The following GJC1 variants were observed in gnomAD, a reference collection of about 807,000 sequenced individuals.
GJC1 encodes gap junction gamma-1 protein.
A neutral mutation model predicts 29.3 loss-of-function variants in GJC1; 5 were observed. The observed-to-expected ratio is 0.17, with a 90% CI of 0.09 to 0.36. The LOEUF (loss-of-function observed/expected upper bound fraction) is 0.36. Among genes scored for constraint, GJC1 ranks in the 10% least tolerant of loss-of-function variants. GJC1 has a pLI of 1.00. For synonymous variants in GJC1, 177 were observed against 183.3 expected (o/e 0.97, Z 0.28); for missense variants, 310 against 496.2 (o/e 0.62, Z 3.56).
chr17:44,830,355 G>A (rs1463619663), upstream of GJC1: 9 of 194,334 alleles, frequency 4.6e-5, no homozygotes, highest in African/African-American at 1.9e-4. The surrounding 1 kb of genome is among the most constrained non-coding windows in gnomAD (Gnocchi z 4.3). Context: ...GGGGGCGCGC[G>A]GCACGTGGCG....
intron 1 of GJC1, among the ~76,000 whole-genome samples, chr17:44,811,821 T>C (rs575518486): frequency 5.9e-5 from 9 of 151,626 alleles, no homozygotes; most frequent in African/African-American, 1.5e-4. Context: ...CTAGCTAACA[T>C]GGTGAAACCC....
intron 1 of GJC1, among the ~76,000 whole-genome samples, chr17:44,815,797 G>GT (rs1567711805): frequency 2.6e-5 from 4 of 151,766 alleles, no homozygotes; most frequent in African/African-American, 7.3e-5. Flanking sequence ...TTATAGAATC[G>GT]TATCAATTCT....
Position 44,804,721 on chromosome 17 carries a change from C to G in GJC1, c.1097G>C (p.Arg366Pro). The change falls in exon 3 of 3, where the codon CGG (arginine) becomes CCG (proline). Residue 366 changes from arginine to proline, a missense_variant. Around this residue, in one of 4 missense-constraint regions of GJC1, gnomAD observed 146 missense variants for 165.0 expected, o/e 0.88. Transcript: ENST00000592524. ...YSHQNNPHGP[R>P]EKKAKVGSKA... ...GGACCCCACTTTGGCCTTCTTCTCC[C>G]GGGGACCATGAGGGTTGTTTTGGTG... 1 of 1,614,158 alleles carries G rather than the reference C, an allele frequency of 6.2e-7. No homozygotes were observed. The highest frequency in any genetic ancestry group is 8.5e-7 in the Non-Finnish European group (1 of 1,180,024).
rs1232727338 is a variant in GJC1 at position 44,804,994 on chromosome 17, T to C, written c.824A>G (p.Tyr275Cys). ...KRRELEDPGA[Y>C]NYPFTWNTPS... The stretch of plus-strand genomic sequence containing the variant: ...TGTATTCCAAGTGAAAGGATAATTA[T>C]AAGCACCCGGATCCTCAAGTTCCCT... Residue 275 changes from tyrosine to cysteine, a missense_variant, in exon 3 of 3, where the codon TAT becomes TGT. Transcript: ENST00000592524. 6.2e-6 allele frequency: 10 copies of C among 1,613,938 alleles called. No individual in the cohort carries two copies. The African/African-American group carries it at 9.3e-5, about 15-fold the overall frequency.
At chr17:44,822,740 G>A (rs988895204) in intron 1 of GJC1, among the ~76,000 whole-genome samples, 1 of 151,728 alleles carries the variant, frequency 6.6e-6, no homozygotes, top group Non-Finnish European at 1.5e-5. Context: ...TAGGTGTGGG[G>A]CCAAGATGAA....
At chr17:44,812,586 TTATC>T (rs1399550657) in intron 1 of GJC1, among the ~76,000 whole-genome samples, 2 of 152,080 alleles carry the variant, frequency 1.3e-5, no homozygotes, top group Non-Finnish European at 1.5e-5. Flanking sequence ...CTTCTAGTCT[TTATC>T]TAAATGAATA....
upstream of GJC1, among the ~76,000 whole-genome samples, chr17:44,830,426 C>T (rs2050221296): frequency 1.3e-5 from 2 of 152,148 alleles, no homozygotes; most frequent in Admixed American, 1.3e-4. This position sits in a 1 kb window ranked among gnomAD's most constrained non-coding sequence, Gnocchi z 4.3. Context: ...CAACTTTCCG[C>T]GGTCGAGTCC....
chr17:44,820,524 T>C (rs2050095193), intron 1 of GJC1, among the ~76,000 whole-genome samples: 1 of 152,118 alleles, frequency 6.6e-6, no homozygotes, highest in Non-Finnish European at 1.5e-5. Flanking sequence ...AGGAGAAAAG[T>C]AAAGTAATAG....
intron 1 of GJC1, among the ~76,000 whole-genome samples, chr17:44,811,972 C>G (rs1181713973): frequency 6.6e-6 from 1 of 150,500 alleles, no homozygotes; most frequent in Non-Finnish European, 1.5e-5. Flanking sequence ...CATTGCACTC[C>G]GGCCTGGGCA....
chr17:44,804,455 CCT>C lies in GJC1; in HGVS notation c.*170_*171del. 1.7e-6 allele frequency: 1 copy of C among 586,774 alleles called. No individual in the cohort carries two copies. Among genetic ancestry groups the C allele is most frequent in the Non-Finnish European group, 3.0e-6 (1 of 330,802 alleles). 36.3% of individuals were successfully genotyped at this position (586,774 alleles called of 1,614,324 possible). On this transcript the variant is annotated 3_prime_UTR_variant, in exon 3 of 3. Transcript: ENST00000592524. ...CATGTGCCTGGGAACACTGTGTTTC[CCT>C]TTCTCTCCCTCAGCCCAGCCCCGCC... is the stretch of plus-strand genomic sequence containing the variant.
chr17:44,801,500 T>C lies in GJC1; in HGVS notation c.*3127A>G, dbSNP rs1490941103. The C allele has an allele frequency of 1.3e-5, 2 of 152,200 alleles. No individual in the cohort carries two copies. The highest frequency in any genetic ancestry group is 2.9e-5 in the Non-Finnish European group (2 of 68,040). The allele number at this position is 152,200 out of a possible 1,614,324, so 9.4% of individuals were successfully genotyped here. A position where few individuals can be genotyped will look rare whatever the true frequency, so the allele number is the denominator to read the frequency against. On this transcript the variant is annotated 3_prime_UTR_variant, in exon 3 of 3. Transcript: ENST00000592524. Reference sequence around the variant, plus strand: ...AGTGAGAACTAAATGTTGGACAGGCTTTTTATACAAATCCCACCTGCATGA... The same window carrying C: ...AGTGAGAACTAAATGTTGGACAGGCCTTTTATACAAATCCCACCTGCATGA...
downstream of GJC1, chr17:44,797,495 G>A (rs2049791012): frequency 6.6e-6 from 1 of 152,158 alleles, no homozygotes; most frequent in South Asian, 2.1e-4. Context: ...AAACCCTTGT[G>A]AGCACCCGCT....
intron 1 of GJC1, among the ~76,000 whole-genome samples, chr17:44,820,013 A>G (rs1406215160): frequency 6.6e-6 from 1 of 152,064 alleles, no homozygotes; most frequent in Admixed American, 6.6e-5. Flanking sequence ...GTGTGCCACC[A>G]CACCTGGCTA....
chr17:44,807,451 C>T lies in GJC1; in HGVS notation c.-78G>A, dbSNP rs2049924632. ...TCTTAGAGAAATGATGTTTTGATTG[C>T]AATTTTTCCAGATTCCCTCTGGAAG... On this transcript the variant is annotated 5_prime_UTR_variant, in exon 2 of 3. Coordinates refer to ENST00000592524, the MANE Select transcript of GJC1 (RefSeq NM_005497.4). 1 of 150,548 alleles carries T rather than the reference C, an allele frequency of 6.6e-6. No individual in the cohort carries two copies. The highest frequency in any genetic ancestry group is 2.4e-5 in the African/African-American group (1 of 41,152). The allele number at this position is 150,548 out of a possible 1,614,324, so 9.3% of individuals were successfully genotyped here. A position where few individuals can be genotyped will look rare whatever the true frequency, so the allele number is the denominator to read the frequency against.
At chr17:44,811,751 C>T (rs555397910) in intron 1 of GJC1, among the ~76,000 whole-genome samples, 42 of 152,108 alleles carry the variant, frequency 2.8e-4, no homozygotes, top group African/African-American at 9.6e-4. Flanking sequence ...CGCCTGTAAT[C>T]CCAGCACTTT....
intron 1 of GJC1, among the ~76,000 whole-genome samples, chr17:44,827,536 G>T (rs1172327690): frequency 6.6e-6 from 1 of 152,084 alleles, no homozygotes; most frequent in East Asian, 1.9e-4. Context: ...AAAGAAATTA[G>T]CTGGGTATAC....
At chr17:44,807,085 T>C (rs1009859615) in intron 2 of GJC1, among the ~76,000 whole-genome samples, 2 of 152,240 alleles carry the variant, frequency 1.3e-5, no homozygotes, top group Non-Finnish European at 2.9e-5. Context: ...CTACAAATTA[T>C]ACTTCTGTAC....
At chr17:44,818,382 A>C (rs962483991) in intron 1 of GJC1, among the ~76,000 whole-genome samples, 4 of 152,188 alleles carry the variant, frequency 2.6e-5, no homozygotes, top group African/African-American at 9.7e-5. Context: ...CTTTGACAAA[A>C]ATGATTTATT....
intron 1 of GJC1, among the ~76,000 whole-genome samples, chr17:44,817,540 G>A (rs1345131076): frequency 2.0e-5 from 3 of 151,476 alleles, no homozygotes; most frequent in South Asian, 2.1e-4. Flanking sequence ...GAGAAACCCT[G>A]TCTCTACTAA....
Sources: gnomAD v4.1 joint callset for allele counts (sites outside exome capture counted in the v4.1 genomes callset) on GRCh38, gnomAD v4.1.1 for gene constraint, gnomAD v4.1.1 regional missense constraint, Gnocchi (gnomAD v3.1) non-coding constraint, MANE v1.5 for transcripts, NCBI Gene and HGNC (gene_info 2026-07-23, HGNC 2026-07-21) for gene names.